Variants in DOCK10 observed in about 807,000 individuals in gnomAD.
The protein encoded by DOCK10 is dedicator of cytokinesis protein 10.
A neutral mutation model predicts 280.1 loss-of-function variants in DOCK10; 145 were observed. The observed-to-expected ratio is 0.52, with a 90% CI of 0.45 to 0.59. The LOEUF is 0.59. DOCK10 is among the 20% of genes least tolerant of loss of function. The pLI, the probability that DOCK10 is intolerant of heterozygous loss-of-function variation, is 0.00. For missense variants in DOCK10, 2,368 were observed against 2,651.7 expected, an observed-to-expected ratio of 0.89 and a Z score of 2.35; for synonymous variants, 915 against 942.2, an observed-to-expected ratio of 0.97 and a Z score of 0.53.
chr2:224,819,964 T>G (rs1257054965), intron 28 of DOCK10, among the ~76,000 whole-genome samples: 1 of 152,224 alleles, frequency 6.6e-6, no homozygotes, highest in East Asian at 1.9e-4. Flanking sequence ...GTTGTCTACT[T>G]TTTTAACCAC....
At chr2:224,908,042 ATGTGTGTG>A (rs149316414) in intron 3 of DOCK10, among the ~76,000 whole-genome samples, 1 of 150,860 alleles carries the variant, frequency 6.6e-6, no homozygotes, top group Non-Finnish European at 1.5e-5. Flanking sequence ...AAGACTCTGA[ATGTGTGTG>A]TGTGTGTGTG....
At chr2:224,947,511 A>AT (rs537039731) in intron 1 of DOCK10, among the ~76,000 whole-genome samples, 64 of 152,342 alleles carry the variant, frequency 4.2e-4, no homozygotes, top group African/African-American at 1.4e-3. Flanking sequence ...AGATATTAGA[A>AT]TTTTTTGTAT....
At chr2:224,885,086 G>C (rs927281448) in intron 7 of DOCK10, among the ~76,000 whole-genome samples, 2 of 152,094 alleles carry the variant, frequency 1.3e-5, no homozygotes, top group Admixed American at 6.5e-5. Context: ...TGCAACCTCC[G>C]CCTCCTGGGT....
chr2:224,981,937 A>C (rs1304716541), intron 1 of DOCK10, among the ~76,000 whole-genome samples: 2 of 152,264 alleles, frequency 1.3e-5, no homozygotes, highest in Non-Finnish European at 2.9e-5. Context: ...TCTGCACAAA[A>C]GGTAATAACA....
chr2:224,986,668 C>T (rs1431133834), intron 1 of DOCK10, among the ~76,000 whole-genome samples: 2 of 152,074 alleles, frequency 1.3e-5, no homozygotes, highest in Non-Finnish European at 2.9e-5. Flanking sequence ...CATATGAAGC[C>T]ACAGTGAGAA....
intron 1 of DOCK10, among the ~76,000 whole-genome samples, chr2:225,032,042 A>C (rs962492599): frequency 1.5e-4 from 23 of 152,220 alleles, no homozygotes; most frequent in Admixed American, 2.0e-4. Flanking sequence ...ATTGGGATCA[A>C]GTCTTCCAGG....
intron 11 of DOCK10, among the ~76,000 whole-genome samples, chr2:224,868,690 GT>G (rs1177145438): frequency 2.0e-5 from 3 of 151,878 alleles, no homozygotes; most frequent in Non-Finnish European, 4.4e-5. Context: ...TTAGAAAAAA[GT>G]TTTTGCATAT....
chr2:224,771,510 A>G (rs892578239), intron 53 of DOCK10, among the ~76,000 whole-genome samples: 3 of 152,218 alleles, frequency 2.0e-5, no homozygotes, highest in African/African-American at 7.2e-5. Flanking sequence ...GATTTGCTGA[A>G]TGAATGCACA....
chr2:224,982,584 A>G, intron 1 of DOCK10: 2 of 894,958 alleles, frequency 2.2e-6, no homozygotes, highest in Non-Finnish European at 2.7e-6. Flanking sequence ...CAGGAATATT[A>G]GAGCACTGCG....
At chr2:224,911,384 A>G (rs2125914158) in intron 3 of DOCK10, among the ~76,000 whole-genome samples, 1 of 152,346 alleles carries the variant, frequency 6.6e-6, no homozygotes, top group Non-Finnish European at 1.5e-5. Flanking sequence ...AAGCTCTTGA[A>G]GCACAAGCAA....
chr2:224,785,921 G>T (rs1042429501), intron 50 of DOCK10, among the ~76,000 whole-genome samples: 6 of 152,230 alleles, frequency 3.9e-5, no homozygotes, highest in Admixed American at 3.9e-4. Flanking sequence ...CTGAGGCCGG[G>T]TGTGGTGGCT....
intron 1 of DOCK10, among the ~76,000 whole-genome samples, chr2:225,011,613 G>A (rs1339221588): frequency 6.6e-6 from 1 of 152,126 alleles, no homozygotes; most frequent in African/African-American, 2.4e-5. Context: ...ATTTAATCCT[G>A]ATTTTTAAAC....
chr2:224,887,038 T>C (rs541989471), intron 4 of DOCK10, among the ~76,000 whole-genome samples: 8 of 152,280 alleles, frequency 5.3e-5, no homozygotes, highest in Non-Finnish European at 8.8e-5. Context: ...GCTGGAATTA[T>C]AGGCATGAGC....
At chr2:224,907,528 A>G (rs1467152957) in intron 3 of DOCK10, among the ~76,000 whole-genome samples, 1 of 152,122 alleles carries the variant, frequency 6.6e-6, no homozygotes. Context: ...TCTACTAAAA[A>G]TACAAAAAAA....
chr2:224,871,407 C>G lies in DOCK10; in HGVS notation c.1257+2589G>C, dbSNP rs79590122. Among the ~76,000 whole-genome samples, 1,162 of 152,252 alleles carry G rather than the reference C, an allele frequency of 7.6e-3. 17 individuals are homozygous for G. The highest frequency in any genetic ancestry group is 0.024 in the African/African-American group (1,003 of 41,568). On this transcript the variant is annotated intron_variant, in intron 11 of 55. Transcript: ENST00000258390. ...ACACCAGTCCAATCCACCCATTTCT[C>G]TCCTTCTCCCTTGCCAGCCCTTGTT... is the stretch of plus-strand genomic sequence containing the variant.
intron 1 of DOCK10, among the ~76,000 whole-genome samples, chr2:224,971,302 G>A (rs1705066867): frequency 6.6e-6 from 1 of 152,060 alleles, no homozygotes; most frequent in Non-Finnish European, 1.5e-5. Flanking sequence ...GGAAGAGGGT[G>A]TGGTTGGGTT....
intron 1 of DOCK10, among the ~76,000 whole-genome samples, chr2:225,023,160 C>T (rs943455847): frequency 7.9e-5 from 12 of 152,000 alleles, no homozygotes; most frequent in African/African-American, 2.4e-4. Context: ...CTCAGCCTCC[C>T]GAGTAGCTGG....
Position 224,974,791 on chromosome 2 carries a change from C to CTATA in DOCK10, c.124-43127_124-43124dup, listed in dbSNP as rs201977468. Reference sequence around the variant, plus strand: ...ATCCACTAAAGGTATAATGTTCTCTCTATATATATCATATATATTATATAT... The same window carrying CTATA: ...ATCCACTAAAGGTATAATGTTCTCTCTATATATATATATCATATATATTATATAT... On this transcript the variant is annotated intron_variant, in intron 1 of 55. Transcript: ENST00000258390. 1.4e-3 allele frequency among the ~76,000 whole-genome samples: 113 copies of CTATA among 82,234 alleles called. 2 individuals carry two copies. The highest frequency in any genetic ancestry group is 3.3e-3 in the African/African-American group (109 of 32,738). 53.9% of individuals were successfully genotyped at this position (82,234 alleles called of 152,430 possible).
At chr2:224,915,664 C>G (rs1004003701) in intron 3 of DOCK10, among the ~76,000 whole-genome samples, 2 of 152,210 alleles carry the variant, frequency 1.3e-5, no homozygotes, top group African/African-American at 2.4e-5. Flanking sequence ...ACACCACTTT[C>G]TCAGGATTCA....
Sources: gnomAD v4.1 joint callset for allele counts (sites outside exome capture counted in the v4.1 genomes callset) on GRCh38, gnomAD v4.1.1 for gene constraint, MANE v1.5 for transcripts, NCBI Gene and HGNC (gene_info 2026-07-23, HGNC 2026-07-21) for gene names.